The following KIAA1217 variants were observed in gnomAD, a reference collection of about 807,000 sequenced individuals.
The protein encoded by KIAA1217 is KIAA1217.
In KIAA1217, 88 loss-of-function variants were observed where a neutral mutation model predicts 163.9. The ratio of observed to expected loss-of-function variants is 0.54; its 90% CI spans 0.45 to 0.64. The LOEUF is 0.64. KIAA1217 is among the 30% of genes least tolerant of loss of function. KIAA1217 has a pLI of 0.00. For synonymous variants in KIAA1217, 903 were observed against 923.1 expected (o/e 0.98, Z 0.39); for missense variants, 2,372 against 2,475.0 (o/e 0.96, Z 0.88).
intron 2 of KIAA1217, among the ~76,000 whole-genome samples, chr10:24,014,003 A>G (rs1400063323): frequency 6.6e-6 from 1 of 152,160 alleles, no homozygotes; most frequent in Non-Finnish European, 1.5e-5. Flanking sequence ...GGAACAGGAA[A>G]ATTAATGTGT....
intron 1 of KIAA1217, among the ~76,000 whole-genome samples, chr10:23,716,219 T>C (rs1391272948): frequency 6.6e-6 from 1 of 152,174 alleles, no homozygotes; most frequent in Non-Finnish European, 1.5e-5. Flanking sequence ...ATCTGGAAAG[T>C]TTCTCTTTAT....
intron 1 of KIAA1217, among the ~76,000 whole-genome samples, chr10:23,719,999 G>A (rs915116237): frequency 6.6e-5 from 10 of 152,184 alleles, no homozygotes; most frequent in African/African-American, 2.2e-4. Context: ...ATGAAGATTG[G>A]TGGTTGCCAG....
At chr10:23,702,885 G>T (rs1414009475) in intron 1 of KIAA1217, among the ~76,000 whole-genome samples, 1 of 151,986 alleles carries the variant, frequency 6.6e-6, no homozygotes, top group Non-Finnish European at 1.5e-5. Flanking sequence ...ATGCCACCTC[G>T]CCCGGTAATT....
chr10:23,827,490 A>G (rs1274236290), intron 1 of KIAA1217, among the ~76,000 whole-genome samples: 1 of 152,178 alleles, frequency 6.6e-6, no homozygotes, highest in Non-Finnish European at 1.5e-5. Flanking sequence ...ATAGATGAAT[A>G]CCCATTCTTA....
chr10:24,231,191 A>G (rs900624325), intron 2 of KIAA1217, among the ~76,000 whole-genome samples: 1 of 152,192 alleles, frequency 6.6e-6, no homozygotes, highest in African/African-American at 2.4e-5. Flanking sequence ...GCCTGCCTGT[A>G]GTCCCAGCTA....
chr10:24,359,632 C>T (rs546541309), intron 2 of KIAA1217, among the ~76,000 whole-genome samples: 1 of 152,314 alleles, frequency 6.6e-6, no homozygotes, highest in Non-Finnish European at 1.5e-5. Flanking sequence ...AGTTCTTTCT[C>T]TTTCCAGAAA....
intron 1 of KIAA1217, among the ~76,000 whole-genome samples, chr10:23,991,311 C>T (rs1010733487): frequency 1.3e-5 from 2 of 152,198 alleles, no homozygotes; most frequent in East Asian, 3.8e-4. Flanking sequence ...CATCCTGTTT[C>T]CATTGACTTC....
In KIAA1217 at chr10:24,018,598, T is replaced by A. The variant is rs550138121; in HGVS notation, c.-171+11224T>A. ...ATAATAATAAATAAATAAATAAAATTAAAAACAAGTAGCATATAGTAAGTA... is the reference window on the plus strand; with the variant it reads ...ATAATAATAAATAAATAAATAAAATAAAAAACAAGTAGCATATAGTAAGTA... On this transcript the variant is annotated intron_variant, in intron 2 of 18. Transcript: ENST00000376462. Among the ~76,000 whole-genome samples the A allele has an allele frequency of 4.2e-4, 64 of 151,428 alleles. 1 individual carries two copies. The highest frequency in any genetic ancestry group is 1.4e-3 in the African/African-American group (60 of 41,408).
At chr10:23,767,514 T>A (rs1834596905) in intron 1 of KIAA1217, among the ~76,000 whole-genome samples, 1 of 152,180 alleles carries the variant, frequency 6.6e-6, no homozygotes, top group South Asian at 2.1e-4. Context: ...GGTGGGAGGA[T>A]TGCTTGAGCC....
chr10:23,790,268 TGCAC>T lies in KIAA1217; in HGVS notation c.-321+95035_-321+95038del, dbSNP rs1202719502. Among the ~76,000 whole-genome samples the T allele has an allele frequency of 2.5e-4, 30 of 119,046 alleles. 9 individuals carry two copies. The highest frequency in any genetic ancestry group is 9.4e-4 in the East Asian group (4 of 4,274). 78.1% of individuals were successfully genotyped at this position (119,046 alleles called of 152,430 possible). ...ACATATGCATATGCACATATGCATA[TGCAC>T]ATATGCATATGCACATATGCATATG... On this transcript the variant is annotated intron_variant, in intron 1 of 18. Coordinates refer to the KIAA1217 transcript ENST00000376462.
chr10:24,525,243 C>T (rs773425753), intron 13 of KIAA1217, among the ~76,000 whole-genome samples: 1 of 152,168 alleles, frequency 6.6e-6, no homozygotes, highest in African/African-American at 2.4e-5. Context: ...CAGGACAAGC[C>T]GGCTTCAAGC....
intron 1 of KIAA1217, among the ~76,000 whole-genome samples, chr10:24,216,501 A>T (rs1418683311): frequency 6.6e-6 from 1 of 152,102 alleles, no homozygotes; most frequent in Non-Finnish European, 1.5e-5. Context: ...TTTCTTAATA[A>T]TGTCAAAACT....
intron 2 of KIAA1217, among the ~76,000 whole-genome samples, chr10:24,351,383 A>T (rs763302848): frequency 6.6e-6 from 1 of 152,170 alleles, no homozygotes; most frequent in Non-Finnish European, 1.5e-5. Flanking sequence ...AGATCCTGGC[A>T]GTCATTATGA....
chr10:24,130,225 T>C (rs1012734867), intron 2 of KIAA1217, among the ~76,000 whole-genome samples: 3 of 152,164 alleles, frequency 2.0e-5, no homozygotes, highest in African/African-American at 7.2e-5. Flanking sequence ...TGGAGCGCAA[T>C]GGCGCAATCA....
intron 2 of KIAA1217, among the ~76,000 whole-genome samples, chr10:24,373,955 C>T (rs913925907): frequency 6.6e-6 from 1 of 152,184 alleles, no homozygotes; most frequent in South Asian, 2.1e-4. Context: ...ACAAAAGATG[C>T]AGTTGTACTT....
chr10:23,719,024 A>G (rs997527489), intron 1 of KIAA1217, among the ~76,000 whole-genome samples: 17 of 152,230 alleles, frequency 1.1e-4, no homozygotes, highest in African/African-American at 4.1e-4. Flanking sequence ...TGGTATTACC[A>G]TATGACCCTG....
At chr10:23,908,249 G>A (rs1405255665) in intron 1 of KIAA1217, among the ~76,000 whole-genome samples, 1 of 152,062 alleles carries the variant, frequency 6.6e-6, no homozygotes, top group African/African-American at 2.4e-5. Flanking sequence ...TGATGCTAAG[G>A]AATTTGGATG....
chr10:24,350,172 T>C (rs1401719156), intron 2 of KIAA1217, among the ~76,000 whole-genome samples: 2 of 152,252 alleles, frequency 1.3e-5, no homozygotes, highest in African/African-American at 2.4e-5. Context: ...GCTTGAGGCA[T>C]AGAAGCCTCA....
At chr10:24,213,332 G>A (rs1487766974) in intron 1 of KIAA1217, among the ~76,000 whole-genome samples, 1 of 152,154 alleles carries the variant, frequency 6.6e-6, no homozygotes, top group African/African-American at 2.4e-5. Context: ...TGACGTGTGT[G>A]CTTTTGCTCT....
Sources: gnomAD v4.1 joint callset for allele counts (sites outside exome capture counted in the v4.1 genomes callset) on GRCh38, gnomAD v4.1.1 for gene constraint, MANE v1.5 for transcripts, NCBI Gene and HGNC (gene_info 2026-07-23, HGNC 2026-07-21) for gene names.